Variants in TTC28 observed in about 807,000 individuals in gnomAD.
TTC28 encodes the protein tetratricopeptide repeat protein 28.
A neutral mutation model predicts 198.0 loss-of-function variants in TTC28; 61 were observed. The observed-to-expected ratio is 0.31, with a 90% confidence interval of 0.25 to 0.38. The LOEUF (loss-of-function observed/expected upper bound fraction) is 0.38, where lower values mean the gene tolerates loss of function less well. Among genes scored for constraint, TTC28 ranks in the 10% least tolerant of loss-of-function variants. The probability of loss-of-function intolerance (pLI) is 1.00; values close to 1 mark genes in which losing one functional copy is unlikely to be tolerated. For missense variants in TTC28, 2,678 were observed against 3,164.0 expected (o/e 0.85, Z 3.69); for synonymous variants, 1,171 against 1,297.8 (o/e 0.90, Z 2.10).
chr22:28,132,286 C>T (rs181711710), intron 6 of TTC28, among the ~76,000 whole-genome samples: 1 of 152,298 alleles, frequency 6.6e-6, no homozygotes, highest in Admixed American at 6.5e-5. Context: ...TAAGACAAAT[C>T]TTTTGATATG....
chr22:28,150,673 T>A (rs560686220), intron 6 of TTC28, among the ~76,000 whole-genome samples: 1 of 152,196 alleles, frequency 6.6e-6, no homozygotes, highest in African/African-American at 2.4e-5. Flanking sequence ...GCACTCACCA[T>A]TGCTGGCAAA....
At chr22:28,256,187 T>C (rs186237687) in intron 5 of TTC28, among the ~76,000 whole-genome samples, 3 of 151,344 alleles carry the variant, frequency 2.0e-5, no homozygotes. Flanking sequence ...TTTGGGAGGC[T>C]GAGGCAGGCA....
At chr22:28,260,851 A>C (rs1931267026) in intron 5 of TTC28, among the ~76,000 whole-genome samples, 1 of 152,124 alleles carries the variant, frequency 6.6e-6, no homozygotes, top group Non-Finnish European at 1.5e-5. Context: ...CTTTCATGTA[A>C]CACTGGTTGT....
chr22:28,177,867 T>C (rs1923315394), intron 5 of TTC28, among the ~76,000 whole-genome samples: 2 of 152,092 alleles, frequency 1.3e-5, no homozygotes, highest in South Asian at 4.1e-4. Flanking sequence ...GGAGGACAGA[T>C]GGAGCACAGG....
chr22:28,534,322 T>G (rs2049215062), intron 2 of TTC28, among the ~76,000 whole-genome samples: 1 of 152,152 alleles, frequency 6.6e-6, no homozygotes, highest in Non-Finnish European at 1.5e-5. Context: ...ATGCTTATCA[T>G]CACTGGCCAT....
chr22:28,033,847 C>T (rs558917880), intron 12 of TTC28, among the ~76,000 whole-genome samples: 64 of 152,334 alleles, frequency 4.2e-4, no homozygotes, highest in Non-Finnish European at 8.4e-4. Context: ...ACATCCCAGA[C>T]ACTCAGCTGG....
intron 2 of TTC28, among the ~76,000 whole-genome samples, chr22:28,608,492 G>C (rs928120003): frequency 6.6e-6 from 1 of 152,092 alleles, no homozygotes; most frequent in Non-Finnish European, 1.5e-5. Context: ...ATACATATCA[G>C]GTAAACAAGA....
chr22:28,205,779 A>T (rs890610997), intron 5 of TTC28, among the ~76,000 whole-genome samples: 4 of 152,082 alleles, frequency 2.6e-5, no homozygotes, highest in African/African-American at 9.7e-5. Context: ...CCGTCCATGA[A>T]TTCCTTTTAT....
intron 2 of TTC28, among the ~76,000 whole-genome samples, chr22:28,435,308 G>A (rs1406965107): frequency 6.6e-6 from 1 of 152,202 alleles, no homozygotes; most frequent in Non-Finnish European, 1.5e-5. Context: ...TCAATCATGT[G>A]AGAATGTGAG....
chr22:28,436,692 A>G (rs914549847), intron 2 of TTC28, among the ~76,000 whole-genome samples: 1 of 152,224 alleles, frequency 6.6e-6, no homozygotes, highest in African/African-American at 2.4e-5. Flanking sequence ...TTACATTATA[A>G]CTACAGAGTC....
At chr22:28,593,092 G>C (rs1268082179) in intron 2 of TTC28, among the ~76,000 whole-genome samples, 3 of 150,234 alleles carry the variant, frequency 2.0e-5, no homozygotes, top group Non-Finnish European at 4.4e-5. Context: ...TAGCTTTTGG[G>C]TAAGTCCTTG....
In TTC28 at chr22:28,277,096, G is replaced by A. The variant is rs184442592; in HGVS notation, c.933+19102C>T. On this transcript the variant is annotated intron_variant, in intron 5 of 22. Transcript: ENST00000397906. ...TAAAATAATAAAAAAAATTTAGAAAGTTCTTGCCACTCTCAATCTCTATCT... is the reference window on the plus strand; with the variant it reads ...TAAAATAATAAAAAAAATTTAGAAAATTCTTGCCACTCTCAATCTCTATCT... 5.8e-4 allele frequency among the ~76,000 whole-genome samples: 89 copies of A among 152,190 alleles called. No homozygotes were observed. In the South Asian group the frequency reaches 0.013, roughly 22 times the overall value.
intron 12 of TTC28, among the ~76,000 whole-genome samples, chr22:28,086,196 T>A (rs1569130205): frequency 6.6e-6 from 1 of 152,022 alleles, no homozygotes; most frequent in Non-Finnish European, 1.5e-5. Context: ...CCACCCCAAA[T>A]CAACAGAATA....
At chr22:28,609,983 T>G (rs1788928985) in intron 2 of TTC28, among the ~76,000 whole-genome samples, 1 of 152,104 alleles carries the variant, frequency 6.6e-6, no homozygotes, top group African/African-American at 2.4e-5. Flanking sequence ...AAGTTCAAAC[T>G]CGGTATAGCC....
intron 2 of TTC28, among the ~76,000 whole-genome samples, chr22:28,517,112 C>A (rs1325124972): frequency 2.0e-5 from 3 of 152,116 alleles, no homozygotes; most frequent in Non-Finnish European, 4.4e-5. Context: ...TAAAGCCCAC[C>A]AGCTTTCCTC....
chr22:28,395,661 C>G (rs956919533), intron 2 of TTC28, among the ~76,000 whole-genome samples: 1 of 150,044 alleles, frequency 6.7e-6, no homozygotes, highest in African/African-American at 2.4e-5. Flanking sequence ...AGCAACAACC[C>G]CAATACTCAT....
intron 12 of TTC28, among the ~76,000 whole-genome samples, chr22:28,061,937 C>A (rs534797743): frequency 1.3e-5 from 2 of 152,078 alleles, no homozygotes; most frequent in Non-Finnish European, 2.9e-5. Context: ...CCTTCACATC[C>A]GTTGTAAGTT....
chr22:28,120,945 T>A (rs1337391418), intron 6 of TTC28, among the ~76,000 whole-genome samples: 8 of 152,232 alleles, frequency 5.3e-5, no homozygotes, highest in Non-Finnish European at 1.5e-5. Flanking sequence ...GTGATTCACA[T>A]ATTCTGCTCA....
chr22:28,061,920 A>G (rs1487221352), intron 12 of TTC28, among the ~76,000 whole-genome samples: 2 of 152,114 alleles, frequency 1.3e-5, no homozygotes, highest in Non-Finnish European at 2.9e-5. Context: ...GTTCTCCTTG[A>G]AGAGGTCCTT....
Sources: allele counts gnomAD v4.1 joint callset (sites outside exome capture counted in the v4.1 genomes callset), GRCh38; gene constraint gnomAD v4.1.1; transcripts MANE v1.5; gene names NCBI Gene and HGNC (gene_info 2026-07-23, HGNC 2026-07-21).